The following PDLIM5 variants were observed in gnomAD, a reference collection of about 807,000 sequenced individuals.
PDLIM5 encodes PDZ and LIM domain protein 5.
A neutral mutation model predicts 64.2 loss-of-function variants in PDLIM5; 34 were observed. The ratio of observed to expected loss-of-function variants is 0.53; its 90% CI spans 0.40 to 0.71. The LOEUF (loss-of-function observed/expected upper bound fraction) is 0.71, where lower values mean the gene tolerates loss of function less well. PDLIM5 is among the 30% of genes least tolerant of loss of function. PDLIM5 has a pLI of 0.00. For synonymous variants in PDLIM5, 253 were observed against 269.1 expected (o/e 0.94, Z 0.59); for missense variants, 683 against 733.6 (o/e 0.93, Z 0.80).
intron 7 of PDLIM5, among the ~76,000 whole-genome samples, chr4:94,605,667 A>T (rs1241973795): frequency 6.6e-6 from 1 of 152,196 alleles, no homozygotes; most frequent in East Asian, 1.9e-4. Flanking sequence ...TGGCTAAGCA[A>T]TGAAGAGATA....
chr4:94,643,367 T>C (rs976225685), intron 9 of PDLIM5, among the ~76,000 whole-genome samples: 4 of 152,180 alleles, frequency 2.6e-5, no homozygotes, highest in Non-Finnish European at 5.9e-5. Flanking sequence ...CAAATTATGT[T>C]AGAAGCACCA....
intron 3 of PDLIM5, 35 bp from the exon 4 acceptor site, chr4:94,573,316 A>AT (rs544551383): frequency 4.8e-3 from 6,837 of 1,431,000 alleles, no homozygotes; most frequent in Non-Finnish European, 5.6e-3. Context: ...AAAATTCATT[A>AT]TTTTTTTTTT....
At chr4:94,610,918 C>T (rs1738310030) in intron 7 of PDLIM5, 2 of 573,218 alleles carry the variant, frequency 3.5e-6, no homozygotes, top group Non-Finnish European at 6.2e-6. Flanking sequence ...CTTTCATCCT[C>T]CTTTGCTGCT....
chr4:94,665,970 G>A lies in PDLIM5; in HGVS notation c.*1903G>A. ...AAAACTGTGGATCCTGTTGCTATTT[G>A]CCCAGTGAGAAAACAGATTCTGGTA... On this transcript the variant is annotated 3_prime_UTR_variant, in exon 13 of 13. Transcript: ENST00000317968. 6.5e-7 allele frequency: 1 copy of A among 1,530,172 alleles called. No individual in the cohort carries two copies. Among genetic ancestry groups the A allele is most frequent in the Admixed American group, 2.0e-5 (1 of 50,526 alleles). 94.8% of individuals were successfully genotyped at this position (1,530,172 alleles called of 1,614,324 possible). A position where few individuals can be genotyped will look rare whatever the true frequency, so the allele number is the denominator to read the frequency against.
At chr4:94,517,782 C>G (rs1729490570) in intron 2 of PDLIM5, among the ~76,000 whole-genome samples, 1 of 152,114 alleles carries the variant, frequency 6.6e-6, no homozygotes, top group Admixed American at 6.5e-5. Context: ...GAAACTTGCC[C>G]TTTGGTAGTG....
chr4:94,485,581 T>C (rs550862472), intron 2 of PDLIM5, among the ~76,000 whole-genome samples: 14 of 152,144 alleles, frequency 9.2e-5, no homozygotes, highest in African/African-American at 3.4e-4. Context: ...ATGCCTGTAA[T>C]GCCAGCATTT....
At chr4:94,564,656 CTTTT>C (rs768721210) in intron 3 of PDLIM5, among the ~76,000 whole-genome samples, 53 of 104,500 alleles carry the variant, frequency 5.1e-4, no homozygotes, top group African/African-American at 2.1e-3. Context: ...AATTTTGTCT[CTTTT>C]TTTTTTTTTT....
intron 9 of PDLIM5, among the ~76,000 whole-genome samples, chr4:94,641,480 T>C (rs560142432): frequency 6.6e-5 from 10 of 152,196 alleles, no homozygotes; most frequent in Admixed American, 2.0e-4. Context: ...CATTCAAAAC[T>C]GAATAGTTTT....
In PDLIM5 at chr4:94,654,456, T is replaced by C. The variant is rs773852281; in HGVS notation, c.1284-4T>C. The C allele has an allele frequency of 1.9e-6, 3 of 1,599,392 alleles. No homozygotes were observed. The highest frequency in any genetic ancestry group is 4.5e-5 in the East Asian group (2 of 44,814). On this transcript the variant is annotated splice_polypyrimidine_tract_variant and splice_region_variant and intron_variant, in intron 9 of 12. Transcript: ENST00000317968. Reference sequence around the variant, plus strand: ...ACTTAGTTGGCCTCTTTTTCTTCTGTCAGAGGACCATTCTTAGTGGCACTG... The same window carrying C: ...ACTTAGTTGGCCTCTTTTTCTTCTGCCAGAGGACCATTCTTAGTGGCACTG...
At chr4:94,637,432 A>G (rs1578517854) in intron 8 of PDLIM5, among the ~76,000 whole-genome samples, 3 of 152,156 alleles carry the variant, frequency 2.0e-5, no homozygotes, top group East Asian at 3.9e-4. Context: ...GGTGGCAGCC[A>G]CCTGTAATCC....
intron 3 of PDLIM5, among the ~76,000 whole-genome samples, chr4:94,563,005 C>A (rs1354695248): frequency 6.6e-6 from 1 of 152,002 alleles, no homozygotes; most frequent in Non-Finnish European, 1.5e-5. Context: ...GTAATATAAA[C>A]AAGTCTTCTA....
At chr4:94,454,494 A>G (rs1312504368) in intron 1 of PDLIM5, among the ~76,000 whole-genome samples, 1 of 152,222 alleles carries the variant, frequency 6.6e-6, no homozygotes, top group Non-Finnish European at 1.5e-5. Context: ...TGCTGTATTT[A>G]GTCATAATCT....
At chr4:94,514,168 G>A (rs534714997) in intron 2 of PDLIM5, among the ~76,000 whole-genome samples, 2 of 139,344 alleles carry the variant, frequency 1.4e-5, no homozygotes, top group South Asian at 2.2e-4. Context: ...GGAGTCTTAC[G>A]TGGTCGCCAA....
intron 11 of PDLIM5, among the ~76,000 whole-genome samples, chr4:94,659,887 G>GA (rs1206173067): frequency 7.4e-6 from 1 of 135,398 alleles, no homozygotes; most frequent in Non-Finnish European, 1.5e-5. Flanking sequence ...GGTTCCACTA[G>GA]AAAAAAATTA....
At chr4:94,641,768 G>T (rs1741020748) in intron 9 of PDLIM5, among the ~76,000 whole-genome samples, 1 of 152,200 alleles carries the variant, frequency 6.6e-6, no homozygotes, top group Non-Finnish European at 1.5e-5. Flanking sequence ...AGCAGCAGTG[G>T]TAGTAGTAAT....
chr4:94,479,606 C>T (rs1192008157), intron 2 of PDLIM5, among the ~76,000 whole-genome samples: 1 of 152,190 alleles, frequency 6.6e-6, no homozygotes, highest in South Asian at 2.1e-4. Flanking sequence ...GCTGAGATTA[C>T]AGGCATGAGC....
At chr4:94,514,133 C>CTTTTT (rs34757067) in intron 2 of PDLIM5, among the ~76,000 whole-genome samples, 9 of 115,142 alleles carry the variant, frequency 7.8e-5, no homozygotes, top group Admixed American at 4.4e-4. Context: ...CTAGTATTTT[C>CTTTTT]TTTTTTTTTT....
chr4:94,473,421 C>G (rs1725051160), intron 2 of PDLIM5, among the ~76,000 whole-genome samples: 1 of 152,098 alleles, frequency 6.6e-6, no homozygotes, highest in African/African-American at 2.4e-5. Flanking sequence ...GCCACCATGC[C>G]AGGCTAACTT....
chr4:94,637,997 T>C (rs184176166), intron 8 of PDLIM5, among the ~76,000 whole-genome samples: 315 of 152,268 alleles, frequency 2.1e-3, no homozygotes, highest in African/African-American at 7.3e-3. Flanking sequence ...GGACTAACCC[T>C]TGGGGACACA....
Sources: gnomAD v4.1 joint callset for allele counts (sites outside exome capture counted in the v4.1 genomes callset) on GRCh38, gnomAD v4.1.1 for gene constraint, MANE v1.5 for transcripts, NCBI Gene and HGNC (gene_info 2026-07-23, HGNC 2026-07-21) for gene names.